Variants in ABCA9 observed in about 807,000 individuals in gnomAD.
ABCA9 encodes ATP binding cassette subfamily A member 9, also known as ATP-binding cassette sub-family A member 9.
Under a neutral mutation model 205.3 loss-of-function variants are expected in ABCA9, and 183 were observed. The ratio of observed to expected loss-of-function variants is 0.89; its 90% CI spans 0.79 to 1.01. The LOEUF (loss-of-function observed/expected upper bound fraction) is 1.01, where lower values mean the gene tolerates loss of function less well. Among genes scored for constraint, ABCA9 ranks in the 50% least tolerant of loss-of-function variants. The pLI, the probability that ABCA9 is intolerant of heterozygous loss-of-function variation, is 0.00. For synonymous variants in ABCA9, 651 were observed against 683.3 expected, an observed-to-expected ratio of 0.95 and a Z score of 0.74; for missense variants, 1,805 against 1,912.4, an observed-to-expected ratio of 0.94 and a Z score of 1.05.
In ABCA9 at chr17:69,029,149, A is replaced by C. The variant is rs760495538; in HGVS notation, c.1504+20T>G. ...CCACTAAATCAAGCAGCCCCATTAAATAAAATATTATTTTATTACCTTTCA... is the reference window on the plus strand; with the variant it reads ...CCACTAAATCAAGCAGCCCCATTAACTAAAATATTATTTTATTACCTTTCA... On this transcript the variant is annotated intron_variant, in intron 11 of 38. Coordinates refer to ENST00000340001, the MANE Select transcript of ABCA9 (RefSeq NM_080283.4). 6.8e-7 allele frequency: 1 copy of C among 1,465,500 alleles called. No individual in the cohort carries two copies. Among genetic ancestry groups the C allele is most frequent in the South Asian group, 1.3e-5 (1 of 79,848 alleles). 90.8% of individuals were successfully genotyped at this position (1,465,500 alleles called of 1,614,324 possible). A position where few individuals can be genotyped will look rare whatever the true frequency, so the allele number is the denominator to read the frequency against.
At chr17:69,021,072 G>T (rs578107320) in intron 18 of ABCA9, among the ~76,000 whole-genome samples, 2 of 151,890 alleles carry the variant, frequency 1.3e-5, no homozygotes, top group African/African-American at 4.8e-5. Flanking sequence ...GACTAACTCT[G>T]GCTACTAGAA....
intron 31 of ABCA9, among the ~76,000 whole-genome samples, 183 bp downstream of exon 31, chr17:68,988,839 TATATG>T (rs2069336521): frequency 6.6e-6 from 1 of 152,356 alleles, no homozygotes; most frequent in Admixed American, 6.5e-5. Flanking sequence ...AGGCATAGTA[TATATG>T]ATATGTAGCC....
At position 69,016,293 on chromosome 17, in the gene ABCA9, G is replaced by A. The variant is rs200963494; in HGVS notation, c.2999C>T (p.Ser1000Leu). The A allele has an allele frequency of 1.4e-4, 227 of 1,598,828 alleles. No individual in the cohort carries two copies. Among genetic ancestry groups the A allele is most frequent in the Middle Eastern group, 1.7e-4 (1 of 6,000 alleles). ...TCTGTCAGTCTGAATGTGTTCTGAC[G>A]AATTAAAAATTCCAAGTAGTCCATT... is the stretch of plus-strand genomic sequence containing the variant. ...ISNGLLGIFNSSEHIQTDRST... is the reference protein window; with the variant it reads ...ISNGLLGIFNLSEHIQTDRST... The change falls in exon 22 of 39, where the codon TCG (serine) becomes TTG (leucine). Residue 1000 changes from serine to leucine, a missense_variant. Ser to Leu is a moderately radical substitution (Grantham distance 145, BLOSUM62 -2). Coordinates refer to ENST00000340001, the MANE Select transcript of ABCA9 (RefSeq NM_080283.4).
At chr17:68,983,922 A>C in intron 35 of ABCA9, 73 bp from the exon 36 acceptor site, 1 of 1,606,286 alleles carries the variant, frequency 6.2e-7, no homozygotes, top group Non-Finnish European at 8.5e-7. Flanking sequence ...CAGCCTCTGG[A>C]GGCCAGAGTA....
intron 6 of ABCA9, among the ~76,000 whole-genome samples, chr17:69,036,479 C>T (rs983629079): frequency 2.4e-4 from 36 of 151,982 alleles, no homozygotes; most frequent in African/African-American, 8.2e-4. Context: ...CAAGCAAATG[C>T]TGAGGGATTT....
At chr17:69,028,423 C>T in intron 12 of ABCA9, 112 bp downstream of exon 12, 1 of 608,458 alleles carries the variant, frequency 1.6e-6, no homozygotes, top group Non-Finnish European at 2.7e-6. Flanking sequence ...CCTCGGCTTC[C>T]CAAAGTGCTG....
intron 10 of ABCA9, 105 bp downstream of exon 10, chr17:69,032,003 G>A (rs1001239471): frequency 2.7e-5 from 28 of 1,033,638 alleles, no homozygotes; most frequent in Non-Finnish European, 3.2e-5. Flanking sequence ...GCTGTAGGTG[G>A]GTACAGAGGG....
rs181918980 is a variant in ABCA9, at chr17:69,018,098, T to G, written c.2768-309A>C. The G allele has an allele frequency of 1.0e-3, 372 of 367,006 alleles. 3 individuals carry two copies. Among genetic ancestry groups the G allele is most frequent in the African/African-American group, 6.8e-3 (325 of 47,602 alleles). 22.7% of individuals were successfully genotyped at this position (367,006 alleles called of 1,614,324 possible). ...ATCTTTTTAAATTTGAAACATTTTTTTCCAGAGCCCAGCACAGCACAGATT... is the reference window on the plus strand; with the variant it reads ...ATCTTTTTAAATTTGAAACATTTTTGTCCAGAGCCCAGCACAGCACAGATT... On this transcript the variant is annotated intron_variant, in intron 20 of 38. Transcript: ENST00000340001.
chr17:68,994,022 C>T, intron 26 of ABCA9, among the ~76,000 whole-genome samples: 1 of 152,086 alleles, frequency 6.6e-6, no homozygotes, highest in East Asian at 1.9e-4. Context: ...ATTACAGGCA[C>T]CCAATACCAT....
At chr17:69,006,561 A>G (rs2070138988) in intron 25 of ABCA9, among the ~76,000 whole-genome samples, 1 of 152,188 alleles carries the variant, frequency 6.6e-6, no homozygotes, top group Non-Finnish European at 1.5e-5. Flanking sequence ...ACATGATTCC[A>G]TTTTTATTAA....
Position 69,060,922 on chromosome 17 carries a change from T to G in ABCA9, c.-70A>C, listed in dbSNP as rs766372024. On this transcript the variant is annotated 5_prime_UTR_variant, in exon 1 of 39. It removes an upstream start codon present in the reference 5' UTR. Transcript: ENST00000340001. Reference sequence around the variant, plus strand: ...CACAGTTCATCCATGGGTCTCTGCATGTTCTGGAGGAGAATTCACATTCCT... The same window carrying G: ...CACAGTTCATCCATGGGTCTCTGCAGGTTCTGGAGGAGAATTCACATTCCT... 13 of 985,350 alleles carry G rather than the reference T, an allele frequency of 1.3e-5. No homozygotes were observed. Among genetic ancestry groups the G allele is most frequent in the Non-Finnish European group, 1.6e-5 (13 of 829,942 alleles). 61.0% of individuals were successfully genotyped at this position (985,350 alleles called of 1,614,324 possible). A position where few individuals can be genotyped will look rare whatever the true frequency, so the allele number is the denominator to read the frequency against.
chr17:68,982,118 C>T (rs566852881), intron 37 of ABCA9, among the ~76,000 whole-genome samples: 2 of 152,266 alleles, frequency 1.3e-5, no homozygotes, highest in East Asian at 3.9e-4. Flanking sequence ...TAAAACAATA[C>T]ATAGAGGCAA....
chr17:69,071,585 A>G, the ABCA9 span, among the ~76,000 whole-genome samples: 241 of 152,322 alleles, frequency 1.6e-3, no homozygotes, highest in Admixed American at 2.7e-3. Flanking sequence ...AACTCCATCC[A>G]AAGGTCACCA....
chr17:69,056,109 G>T (rs375717680), intron 1 of ABCA9, among the ~76,000 whole-genome samples: 5 of 151,916 alleles, frequency 3.3e-5, no homozygotes, highest in Admixed American at 1.3e-4. Context: ...TAGGAAATTA[G>T]AAAAAGAAAA....
the ABCA9 span, among the ~76,000 whole-genome samples, chr17:69,066,587 G>A: frequency 2.6e-5 from 4 of 151,688 alleles, no homozygotes; most frequent in Admixed American, 1.3e-4. Flanking sequence ...TGCGTAAGAC[G>A]GTATTGGATC....
chr17:68,998,837 T>C, intron 25 of ABCA9, among the ~76,000 whole-genome samples: 1 of 151,892 alleles, frequency 6.6e-6, no homozygotes, highest in East Asian at 1.9e-4. Context: ...AATTTCTTTT[T>C]TTTTTGTATT....
upstream of ABCA9, among the ~76,000 whole-genome samples, chr17:69,061,414 C>T (rs934706467): frequency 2.6e-5 from 4 of 152,056 alleles, no homozygotes; most frequent in African/African-American, 9.7e-5. Context: ...TCAACAGATT[C>T]TTAAAACTTG....
chr17:68,996,642 C>T (rs140288908), intron 25 of ABCA9, among the ~76,000 whole-genome samples: 60 of 152,272 alleles, frequency 3.9e-4, no homozygotes, highest in African/African-American at 8.4e-4. Flanking sequence ...TTAGAGTACA[C>T]GTCACACCAC....
chr17:69,048,390 T>C (rs2071789202), intron 3 of ABCA9, among the ~76,000 whole-genome samples: 1 of 151,200 alleles, frequency 6.6e-6, no homozygotes, highest in East Asian at 2.0e-4. Flanking sequence ...CGGTTAGTTA[T>C]ATTTTTCATT....
Sources: allele counts gnomAD v4.1 joint callset (sites outside exome capture counted in the v4.1 genomes callset), GRCh38; gene constraint gnomAD v4.1.1; transcripts MANE v1.5; gene names NCBI Gene and HGNC (gene_info 2026-07-23, HGNC 2026-07-21).